DTX3L: variants seen among roughly 807,000 people sequenced by gnomAD.
DTX3L encodes the protein deltex E3 ubiquitin ligase 3L.
In DTX3L, 34 loss-of-function variants were observed where a neutral mutation model predicts 60.9. That is an observed-to-expected ratio of 0.56 (90% CI 0.42 to 0.74). The LOEUF is 0.74. Ranked by LOEUF, DTX3L falls within the 30% of genes least tolerant of loss-of-function variation. DTX3L has a pLI of 0.00. For missense variants in DTX3L, 810 were observed against 874.0 expected (o/e 0.93, Z 0.92); for synonymous variants, 290 against 316.6 (o/e 0.92, Z 0.89).
At chr3:122,570,288 C>T (rs988100112) in intron 3 of DTX3L, 167 bp from the exon 4 acceptor site, 1 of 783,052 alleles carries the variant, frequency 1.3e-6, no homozygotes. Context: ...GTGTTTCCAG[C>T]ATGAATTCAA....
intron 4 of DTX3L, 74 bp downstream of exon 4, chr3:122,570,746 G>A: frequency 2.0e-6 from 3 of 1,482,708 alleles, no homozygotes; most frequent in South Asian, 2.3e-5. Flanking sequence ...TTCTGGATGT[G>A]GATATAAGTA....
chr3:122,570,289 A>C, intron 3 of DTX3L, 166 bp from the exon 4 acceptor site: 1 of 788,630 alleles, frequency 1.3e-6, no homozygotes, highest in Non-Finnish European at 2.0e-6. Context: ...TGTTTCCAGC[A>C]TGAATTCAAG....
chr3:122,568,508 C>G lies in DTX3L; in HGVS notation c.419C>G (p.Ala140Gly). 1 of 1,601,962 alleles carries G rather than the reference C, an allele frequency of 6.2e-7. No individual in the cohort carries two copies. Among genetic ancestry groups the G allele is most frequent in the South Asian group, 1.1e-5 (1 of 88,746 alleles). Residue 140 changes from alanine to glycine, a missense_variant, in exon 3 of 5, where the codon GCT (alanine) becomes GGT (glycine). Transcript: ENST00000296161. ...TTTCAGATCTTTCTTACTGTAACAG[C>G]TGACCTGAACTGTAACCTGTTCTCC... ...CLQKIFLTVT[A>G]DLNCNLFSKE...
chr3:122,571,581 G>C lies in DTX3L; in HGVS notation c.2154-97G>C, dbSNP rs559643170. The C allele has an allele frequency of 3.3e-5, 31 of 928,056 alleles. No homozygotes were observed. The South Asian group carries it at 5.9e-4, about 18-fold the overall frequency. 57.5% of individuals were successfully genotyped at this position (928,056 alleles called of 1,614,324 possible). Reference sequence around the variant, plus strand: ...CCTTCAGGATTACTTGTGAATGTTTGCAACACTGGATATTAATTAAATCCT... The same window carrying C: ...CCTTCAGGATTACTTGTGAATGTTTCCAACACTGGATATTAATTAAATCCT... On this transcript the variant is annotated intron_variant, in intron 4 of 4. Transcript: ENST00000296161.
intron 1 of DTX3L, 128 bp from the exon 2 acceptor site, chr3:122,565,731 C>G (rs943929859): frequency 4.8e-6 from 4 of 842,000 alleles, no homozygotes; most frequent in Middle Eastern, 3.4e-4. Context: ...ACCCACCATT[C>G]CAGGATGCAG....
chr3:122,570,773 A>T, intron 4 of DTX3L, 101 bp downstream of exon 4: 1 of 1,274,860 alleles, frequency 7.8e-7, no homozygotes. Flanking sequence ...ATAGCAGTGG[A>T]ATTGGTGTTT....
chr3:122,568,136 C>T (rs2080603929), intron 2 of DTX3L, among the ~76,000 whole-genome samples: 1 of 152,072 alleles, frequency 6.6e-6, no homozygotes, highest in African/African-American at 2.4e-5. Context: ...ATGGAGAAAC[C>T]TCGTCTCTAC....
chr3:122,565,081 G>A (rs995337820), intron 1 of DTX3L, among the ~76,000 whole-genome samples: 2 of 152,160 alleles, frequency 1.3e-5, no homozygotes, highest in African/African-American at 4.8e-5. Context: ...ACAACCTGAA[G>A]ATAAACAATG....
At chr3:122,570,192 C>T (rs1261807137) in intron 3 of DTX3L, 168 bp downstream of exon 3, 3 of 796,508 alleles carry the variant, frequency 3.8e-6, no homozygotes, top group Non-Finnish European at 5.9e-6. Context: ...GCTGGTAATT[C>T]AAATACCTTT....
chr3:122,570,928 A>G (rs138166734), intron 4 of DTX3L, among the ~76,000 whole-genome samples: 106 of 152,288 alleles, frequency 7.0e-4, no homozygotes, highest in East Asian at 7.7e-4. Flanking sequence ...GATGAATACT[A>G]TATAAGCTGA....
Position 122,571,897 on chromosome 3 carries a change from C to T in DTX3L, c.*150C>T, listed in dbSNP as rs1445365576. 1 of 616,096 alleles carries T rather than the reference C, an allele frequency of 1.6e-6. No individual in the cohort carries two copies. Among genetic ancestry groups the T allele is most frequent in the Non-Finnish European group, 2.7e-6 (1 of 363,972 alleles). The allele number at this position is 616,096 out of a possible 1,614,324, so 38.2% of individuals were successfully genotyped here. A position where few individuals can be genotyped will look rare whatever the true frequency, so the allele number is the denominator to read the frequency against. Reference sequence around the variant, plus strand: ...TGTATAAGAATAACAATCTGCTAGTCTGTCATTTCTGGAGTGATACTTTTT... The same window carrying T: ...TGTATAAGAATAACAATCTGCTAGTTTGTCATTTCTGGAGTGATACTTTTT... On this transcript the variant is annotated 3_prime_UTR_variant, in exon 5 of 5. Coordinates refer to ENST00000296161, the MANE Select transcript of DTX3L (RefSeq NM_138287.3).
chr3:122,564,655 C>G (rs763639862), intron 1 of DTX3L, 42 bp downstream of exon 1: 1 of 1,558,388 alleles, frequency 6.4e-7, no homozygotes, highest in African/African-American at 1.4e-5. Context: ...CTCTGGGGGC[C>G]CGGCCCCCGG....
In DTX3L at chr3:122,570,558, C is replaced by T. The variant is rs1559904600; in HGVS notation, c.2039C>T (p.Ala680Val). The change falls in exon 4 of 5, where the codon GCC (alanine) becomes GTC (valine). Residue 680 changes from alanine (A) to valine (V), a missense_variant. By Grantham distance (64) the Ala-to-Val change is moderately conservative. Transcript: ENST00000296161. ...AAGGTTTTGAAACTGCTTTATAGGG[C>T]CTTTGACCAAAAGCTGATTTTTACA... is the stretch of plus-strand genomic sequence containing the variant. ...GRKVLKLLYR[A>V]FDQKLIFTVG... 6.2e-7 allele frequency: 1 copy of T among 1,614,082 alleles called. No individual in the cohort carries two copies. Among genetic ancestry groups the T allele is most frequent in the East Asian group, 2.2e-5 (1 of 44,864 alleles).
In DTX3L at chr3:122,569,683, A is replaced by G; in HGVS notation, c.1594A>G (p.Ser532Gly). ...EGHETPMDIDSDDSKAASPPL... is the reference protein window; with the variant it reads ...EGHETPMDIDGDDSKAASPPL... ...TCATGAAACACCGATGGACATTGAT[A>G]GCGATGATTCCAAAGCAGCTTCTCC... The change falls in exon 3 of 5, where the codon AGC becomes GGC. Residue 532 changes from serine to glycine, a missense_variant. Physicochemically the swap from Ser to Gly is moderately conservative, Grantham distance 56. Coordinates refer to ENST00000296161, the MANE Select transcript of DTX3L (RefSeq NM_138287.3). 6.2e-7 allele frequency: 1 copy of G among 1,614,226 alleles called. No individual in the cohort carries two copies. The highest frequency in any genetic ancestry group is 8.5e-7 in the Non-Finnish European group (1 of 1,180,034).
chr3:122,569,889 G>C lies in DTX3L; in HGVS notation c.1800G>C (p.Gln600His). Residue 600 changes from glutamine to histidine, a missense_variant, in exon 3 of 5, where the codon CAG becomes CAC. Physicochemically the swap from Gln to His is conservative, Grantham distance 24 (BLOSUM62 0). Transcript: ENST00000296161. ...MSYKPICPTC[Q>H]TSYGIQKGNQ... ...ATAAGCCAATCTGTCCCACATGCCAGACTTCCTATGGTATTCAGAAAGGAA... is the reference window on the plus strand; with the variant it reads ...ATAAGCCAATCTGTCCCACATGCCACACTTCCTATGGTATTCAGAAAGGAA... 1 of 1,614,140 alleles carries C rather than the reference G, an allele frequency of 6.2e-7. No homozygotes were observed. Among genetic ancestry groups the C allele is most frequent in the East Asian group, 2.2e-5 (1 of 44,890 alleles).
At chr3:122,566,381 C>T (rs1283122690) in intron 2 of DTX3L, among the ~76,000 whole-genome samples, 4 of 152,090 alleles carry the variant, frequency 2.6e-5, no homozygotes, top group Admixed American at 6.5e-5. Context: ...CTTTTTTTCC[C>T]CCCAAGACAG....
chr3:122,570,528 G>C lies in DTX3L; in HGVS notation c.2009G>C (p.Gly670Ala), dbSNP rs1221489807. 6.2e-7 allele frequency: 1 copy of C among 1,614,174 alleles called. No homozygotes were observed. The highest frequency in any genetic ancestry group is 8.5e-7 in the Non-Finnish European group (1 of 1,180,036). ...GCATACTTGCCTGATAATAAGGAAG[G>C]AAGGAAGGTTTTGAAACTGCTTTAT... is the stretch of plus-strand genomic sequence containing the variant. ...RTAYLPDNKE[G>A]RKVLKLLYRA... The change falls in exon 4 of 5, where the codon GGA becomes GCA. Residue 670 changes from glycine (G) to alanine (A), a missense_variant. Gly to Ala is a moderately conservative substitution (Grantham distance 60, BLOSUM62 0). Coordinates refer to ENST00000296161, the MANE Select transcript of DTX3L (RefSeq NM_138287.3).
chr3:122,565,716 C>T (rs540370799), intron 1 of DTX3L, 143 bp from the exon 2 acceptor site: 41 of 734,846 alleles, frequency 5.6e-5, no homozygotes, highest in Middle Eastern at 7.7e-4. Flanking sequence ...CTTTCTCCAT[C>T]GCCAACCCAC....
chr3:122,566,529 A>ATT (rs67205013), intron 2 of DTX3L, among the ~76,000 whole-genome samples: 197 of 146,180 alleles, frequency 1.3e-3, no homozygotes, highest in African/African-American at 3.9e-3. Context: ...CACCCAGCCA[A>ATT]TTTTTTTTTT....
Sources: allele counts gnomAD v4.1 joint callset (sites outside exome capture counted in the v4.1 genomes callset), GRCh38; gene constraint gnomAD v4.1.1; transcripts MANE v1.5; gene names NCBI Gene and HGNC (gene_info 2026-07-23, HGNC 2026-07-21).